The following REL variants were observed in gnomAD, a reference collection of about 807,000 sequenced individuals.
REL encodes the protein REL proto-oncogene, NF-kB subunit.
In REL, 15 loss-of-function variants were observed where a neutral mutation model predicts 45.9. The observed-to-expected ratio is 0.33, with a 90% CI of 0.22 to 0.50. The LOEUF (loss-of-function observed/expected upper bound fraction) is 0.50, where lower values mean the gene tolerates loss of function less well. Ranked by LOEUF, REL falls within the 20% of genes least tolerant of loss-of-function variation. The pLI, the probability that REL is intolerant of heterozygous loss-of-function variation, is 0.98. For synonymous variants in REL, 239 were observed against 242.1 expected (o/e 0.99, Z 0.12); for missense variants, 601 against 715.2 (o/e 0.84, Z 1.82).
intron 4 of REL, among the ~76,000 whole-genome samples, chr2:60,905,295 C>G (rs779496783): frequency 1.3e-5 from 2 of 152,100 alleles, no homozygotes; most frequent in African/African-American, 2.4e-5. Flanking sequence ...GGGGTTTCAT[C>G]GTGTTAGCCA....
chr2:60,884,015 G>A, intron 1 of REL, among the ~76,000 whole-genome samples: 2 of 143,166 alleles, frequency 1.4e-5, no homozygotes, highest in East Asian at 2.0e-4. Context: ...CTGTTATAAA[G>A]ACCTTAGAGA....
chr2:60,924,291 ACTTT>A lies in REL; in HGVS notation c.*1759_*1762del, dbSNP rs544727933. On this transcript the variant is annotated 3_prime_UTR_variant, in exon 10 of 10. Coordinates refer to ENST00000394479, the MANE Select transcript of REL (RefSeq NM_001291746.2). Reference sequence around the variant, plus strand: ...TTTGTTTTCCCATACCGAAATATAAACTTTCTAAGGACAGAAATTTTTGTGCTTT... The same window carrying A: ...TTTGTTTTCCCATACCGAAATATAAACTAAGGACAGAAATTTTTGTGCTTT... 79 of 223,020 alleles carry A rather than the reference ACTTT, an allele frequency of 3.5e-4. No individual in the cohort carries two copies. Among genetic ancestry groups the A allele is most frequent in the African/African-American group, 1.7e-3 (76 of 44,948 alleles). The allele number at this position is 223,020 out of a possible 1,614,324, so 13.8% of individuals were successfully genotyped here. A position where few individuals can be genotyped will look rare whatever the true frequency, so the allele number is the denominator to read the frequency against.
intron 9 of REL, 152 bp downstream of exon 9, chr2:60,920,794 T>G: frequency 1.8e-6 from 1 of 541,846 alleles, no homozygotes; most frequent in South Asian, 2.7e-5. Flanking sequence ...GAATTAAGCA[T>G]GGCTTCTGAA....
chr2:60,917,490 CTG>C (rs1242769926), intron 5 of REL, among the ~76,000 whole-genome samples: 1 of 148,830 alleles, frequency 6.7e-6, no homozygotes, highest in African/African-American at 2.5e-5. Context: ...GCCTAGCAAA[CTG>C]TACTGCAATA....
chr2:60,921,493 A>G (rs892855239), intron 9 of REL, among the ~76,000 whole-genome samples: 4 of 152,192 alleles, frequency 2.6e-5, no homozygotes, highest in African/African-American at 4.8e-5. Flanking sequence ...CTAGATTTTC[A>G]TATTTAATTG....
At chr2:60,893,548 A>T (rs1052882355) in intron 2 of REL, among the ~76,000 whole-genome samples, 1 of 152,204 alleles carries the variant, frequency 6.6e-6, no homozygotes, top group African/African-American at 2.4e-5. Context: ...TAGGTCCTAA[A>T]CACTTTACAG....
At chr2:60,883,080 C>T (rs1267843777) in intron 1 of REL, among the ~76,000 whole-genome samples, 1 of 152,042 alleles carries the variant, frequency 6.6e-6, no homozygotes, top group Admixed American at 6.6e-5. Flanking sequence ...GTGGGGGACA[C>T]TTTCCAGACA....
intron 3 of REL, chr2:60,899,033 G>C (rs1485262708): frequency 6.6e-6 from 1 of 152,038 alleles, no homozygotes; most frequent in African/African-American, 2.4e-5. Flanking sequence ...AGATTATTCA[G>C]ATGAAACAAA....
chr2:60,919,459 T>C (rs1049364271), intron 7 of REL, among the ~76,000 whole-genome samples: 1 of 152,092 alleles, frequency 6.6e-6, no homozygotes, highest in African/African-American at 2.4e-5. Context: ...AGTCTTGCTC[T>C]GTCTTGCCCA....
Position 60,918,443 on chromosome 2 carries a change from C to A in REL, c.690C>A (p.Ile230=). 1 of 1,613,250 alleles carries A rather than the reference C, an allele frequency of 6.2e-7. No homozygotes were observed. Among genetic ancestry groups the A allele is most frequent in the Non-Finnish European group, 8.5e-7 (1 of 1,179,910 alleles). The change falls in exon 7 of 10, where the codon ATC becomes ATA. Residue 230 remains isoleucine (I), a synonymous_variant. Coordinates refer to ENST00000394479, the MANE Select transcript of REL (RefSeq NM_001291746.2). ...TGAACGATTGGGAAGCAAAAGGCAT[C>A]TTTTCACAAGCTGATGTACACCGTC... ...FVLNDWEAKG[I]FSQADVHRQV... is the part of the protein sequence containing the mutation.
chr2:60,897,081 C>T (rs1673369732), intron 3 of REL, among the ~76,000 whole-genome samples: 1 of 152,104 alleles, frequency 6.6e-6, no homozygotes, highest in African/African-American at 2.4e-5. Context: ...CCCTTCCTCT[C>T]TTTCTCCATT....
rs373051963 is a variant in REL at position 60,921,895 on chromosome 2, T to C, written c.1124T>C (p.Leu375Pro). Reference protein sequence around the residue: ...GLSHHASMAPLPSSSWSSVAH... With the variant: ...GLSHHASMAPPPSSSWSSVAH... ...TCACATCATGCCTCAATGGCACCTC[T>C]GCCTTCTTCAAGCTGGTCATCAGTG... The change falls in exon 10 of 10, where the codon CTG becomes CCG. Residue 375 changes from leucine (L) to proline (P), a missense_variant. Around this residue, in one of 4 missense-constraint regions of REL, gnomAD observed 334 missense variants for 333.1 expected, o/e 1.00. Transcript: ENST00000394479. 6 of 1,614,022 alleles carry C rather than the reference T, an allele frequency of 3.7e-6. No individual in the cohort carries two copies. Among genetic ancestry groups the C allele is most frequent in the Non-Finnish European group, 5.1e-6 (6 of 1,180,020 alleles).
At chr2:60,892,453 A>G (rs1244464371) in intron 2 of REL, among the ~76,000 whole-genome samples, 5 of 152,144 alleles carry the variant, frequency 3.3e-5, no homozygotes, top group Admixed American at 6.5e-5. Context: ...TTTGAGACGG[A>G]GTTTCACACT....
Position 60,928,060 on chromosome 2 carries a change from G to C in REL, c.*5525G>C. ...CTGGCATGGTGGATGGATCACGCCT[G>C]TAATCCCAGCACTTTGGGAGGCCGA... On this transcript the variant is annotated 3_prime_UTR_variant, in exon 10 of 10. Transcript: ENST00000394479. The C allele has an allele frequency of 5.3e-6, 1 of 190,126 alleles. No homozygotes were observed. The highest frequency in any genetic ancestry group is 1.1e-5 in the Non-Finnish European group (1 of 90,820). The allele number at this position is 190,126 out of a possible 1,614,324, so 11.8% of individuals were successfully genotyped here.
intron 1 of REL, among the ~76,000 whole-genome samples, chr2:60,883,555 G>A (rs1371541685): frequency 6.6e-6 from 1 of 152,292 alleles, no homozygotes; most frequent in African/African-American, 2.4e-5. Context: ...GGAAGTAATG[G>A]AGAATGCCTA....
chr2:60,895,561 A>C (rs1673327664), intron 3 of REL, among the ~76,000 whole-genome samples: 1 of 152,196 alleles, frequency 6.6e-6, no homozygotes, highest in Admixed American at 6.5e-5. Flanking sequence ...AGAAAGTGGC[A>C]GGTTATAGAA....
intron 3 of REL, among the ~76,000 whole-genome samples, chr2:60,896,525 A>C (rs1233866485): frequency 6.6e-6 from 1 of 152,152 alleles, no homozygotes; most frequent in Non-Finnish European, 1.5e-5. Flanking sequence ...AAATGAACTA[A>C]TGGCAACAGA....
At chr2:60,906,653 C>T (rs1234258010) in intron 4 of REL, among the ~76,000 whole-genome samples, 1 of 152,062 alleles carries the variant, frequency 6.6e-6, no homozygotes, top group African/African-American at 2.4e-5. Flanking sequence ...ACTATCTGCA[C>T]TGTTAGAAGA....
intron 1 of REL, among the ~76,000 whole-genome samples, chr2:60,884,701 A>T (rs1164725517): frequency 6.6e-6 from 1 of 152,138 alleles, no homozygotes; most frequent in Non-Finnish European, 1.5e-5. Context: ...CTTTGGTAAA[A>T]TGTTTTAAAA....
Sources: allele counts gnomAD v4.1 joint callset (sites outside exome capture counted in the v4.1 genomes callset), GRCh38; gene constraint gnomAD v4.1.1; regional missense constraint gnomAD v4.1.1; transcripts MANE v1.5; gene names NCBI Gene and HGNC (gene_info 2026-07-23, HGNC 2026-07-21).